KLF12: variants seen among roughly 807,000 people sequenced by gnomAD.
The protein encoded by KLF12 is KLF transcription factor 12.
In KLF12, 9 loss-of-function variants were observed where a neutral mutation model predicts 37.8. That is an observed-to-expected ratio of 0.24 (90% CI 0.14 to 0.42). The LOEUF (loss-of-function observed/expected upper bound fraction) is 0.42. Among genes scored for constraint, KLF12 ranks in the 10% least tolerant of loss-of-function variants. KLF12 has a pLI of 1.00. For missense variants in KLF12, 411 were observed against 516.0 expected (o/e 0.80, Z 1.97); for synonymous variants, 208 against 202.1 (o/e 1.03, Z -0.25).
the KLF12 span, among the ~76,000 whole-genome samples, chr13:74,273,012 C>T: frequency 4.6e-5 from 7 of 152,122 alleles, no homozygotes; most frequent in African/African-American, 1.7e-4. Flanking sequence ...CAAACTGGGT[C>T]AAATGGGCTG....
At chr13:73,712,036 G>A (rs2137656916) in intron 7 of KLF12, among the ~76,000 whole-genome samples, 1 of 152,278 alleles carries the variant, frequency 6.6e-6, no homozygotes, top group South Asian at 2.1e-4. Context: ...GAAACAGCAG[G>A]AGAATTACAA....
At chr13:74,296,769 T>C in the KLF12 span, among the ~76,000 whole-genome samples, 19 of 152,180 alleles carry the variant, frequency 1.2e-4, no homozygotes, top group Non-Finnish European at 2.6e-4. Flanking sequence ...TCCTCTAGTC[T>C]CAAAGAAATC....
upstream of KLF12, among the ~76,000 whole-genome samples, chr13:74,135,703 C>A (rs898996246): frequency 2.0e-5 from 3 of 152,028 alleles, no homozygotes; most frequent in Non-Finnish European, 4.4e-5. Context: ...CTGCCCCGCG[C>A]CCCCGGCCCG....
intron 4 of KLF12, among the ~76,000 whole-genome samples, chr13:73,840,310 T>G (rs1884671901): frequency 6.6e-6 from 1 of 152,090 alleles, no homozygotes. Flanking sequence ...TGCTCAGGTG[T>G]CCAGTCGTCC....
chr13:74,170,374 A>T, the KLF12 span, among the ~76,000 whole-genome samples: 3 of 152,160 alleles, frequency 2.0e-5, no homozygotes, highest in Non-Finnish European at 4.4e-5. Flanking sequence ...TATATTTAAC[A>T]CACTTAACAA....
chr13:73,705,796 G>A (rs1429260003), intron 7 of KLF12, among the ~76,000 whole-genome samples: 7 of 152,156 alleles, frequency 4.6e-5, no homozygotes, highest in Admixed American at 4.6e-4. Context: ...CAGCTTTGAT[G>A]GATGTATGGA....
At chr13:74,278,938 C>T in the KLF12 span, among the ~76,000 whole-genome samples, 19 of 152,146 alleles carry the variant, frequency 1.2e-4, no homozygotes, top group Admixed American at 2.0e-4. Flanking sequence ...GAAGATACCC[C>T]ACCACTTTCC....
chr13:73,899,756 C>T (rs1001747856), intron 3 of KLF12, among the ~76,000 whole-genome samples: 3 of 152,150 alleles, frequency 2.0e-5, no homozygotes, highest in African/African-American at 4.8e-5. Flanking sequence ...CAGATATCAG[C>T]ACTCCAGGTT....
chr13:73,862,129 G>C (rs1885961569), intron 3 of KLF12, among the ~76,000 whole-genome samples: 2 of 149,898 alleles, frequency 1.3e-5, no homozygotes, highest in South Asian at 4.2e-4. Context: ...ATGCAGTTGT[G>C]ATCTCTAAAT....
chr13:74,092,115 C>G (rs1326993908), intron 1 of KLF12, among the ~76,000 whole-genome samples: 1 of 151,352 alleles, frequency 6.6e-6, no homozygotes, highest in Non-Finnish European at 1.5e-5. Context: ...CGGTGAAACC[C>G]CGTCTCTACT....
chr13:73,921,581 A>G (rs1889118804), intron 3 of KLF12, among the ~76,000 whole-genome samples: 2 of 152,230 alleles, frequency 1.3e-5, no homozygotes, highest in African/African-American at 4.8e-5. Context: ...TTCAGTTGTA[A>G]GAATCAAATG....
At chr13:73,789,168 C>T (rs1300057159) in intron 5 of KLF12, among the ~76,000 whole-genome samples, 1 of 152,070 alleles carries the variant, frequency 6.6e-6, no homozygotes, top group Non-Finnish European at 1.5e-5. Context: ...CTTTGTTTTT[C>T]CACAAATACT....
At position 73,701,805 on chromosome 13, in the gene KLF12, T is replaced by C. The variant is rs577155529; in HGVS notation, c.1028-6134A>G. On this transcript the variant is annotated intron_variant, in intron 7 of 7. Coordinates refer to ENST00000377669, the MANE Select transcript of KLF12 (RefSeq NM_007249.5). ...CTGAAGGGATGGTCTCTATGTCCCATGATAAATCCTTAGGCCACTTCCAGG... is the reference window on the plus strand; with the variant it reads ...CTGAAGGGATGGTCTCTATGTCCCACGATAAATCCTTAGGCCACTTCCAGG... 5.5e-4 allele frequency among the ~76,000 whole-genome samples: 83 copies of C among 152,216 alleles called. No individual in the cohort carries two copies. The Middle Eastern group carries it at 0.01, about 19-fold the overall frequency.
chr13:73,771,879 G>C (rs1416804720), intron 5 of KLF12, among the ~76,000 whole-genome samples: 1 of 152,206 alleles, frequency 6.6e-6, no homozygotes, highest in African/African-American at 2.4e-5. Context: ...AATTTTCATA[G>C]GCAAAATTGA....
intron 5 of KLF12, among the ~76,000 whole-genome samples, chr13:73,806,068 G>A (rs923764605): frequency 6.6e-6 from 1 of 151,104 alleles, no homozygotes; most frequent in Non-Finnish European, 1.5e-5. Context: ...TCAAAATGTT[G>A]GGATTACAGG....
chr13:74,179,023 G>A, the KLF12 span, among the ~76,000 whole-genome samples: 219 of 152,310 alleles, frequency 1.4e-3, 1 homozygote, highest in South Asian at 5.8e-3. Context: ...TGGTCAATAA[G>A]TATTTATTGT....
chr13:74,304,546 T>A, the KLF12 span, among the ~76,000 whole-genome samples: 1 of 152,176 alleles, frequency 6.6e-6, no homozygotes. Flanking sequence ...AATATATTTT[T>A]AACTTAAAAT....
intron 1 of KLF12, among the ~76,000 whole-genome samples, chr13:74,098,192 C>G (rs1413183302): frequency 6.6e-6 from 1 of 152,204 alleles, no homozygotes; most frequent in African/African-American, 2.4e-5. Context: ...TTATCATACA[C>G]AGCTGATGCT....
At chr13:73,990,026 T>C (rs1248876206) in intron 2 of KLF12, among the ~76,000 whole-genome samples, 1 of 152,108 alleles carries the variant, frequency 6.6e-6, no homozygotes, top group Non-Finnish European at 1.5e-5. Flanking sequence ...TAAGTCGACA[T>C]AGCTATGAAA....
Sources: allele counts gnomAD v4.1 joint callset (sites outside exome capture counted in the v4.1 genomes callset), GRCh38; gene constraint gnomAD v4.1.1; transcripts MANE v1.5; gene names NCBI Gene and HGNC (gene_info 2026-07-23, HGNC 2026-07-21).